Variants in USP42 observed in about 807,000 individuals in gnomAD.
USP42 encodes ubiquitin specific peptidase 42.
USP42 carries 23 observed loss-of-function variants against 113.0 expected under a neutral mutation model. The ratio of observed to expected loss-of-function variants is 0.20; its 90% CI spans 0.15 to 0.29. USP42 has a LOEUF of 0.29. USP42 is among the 10% of genes least tolerant of loss of function. The pLI is 1.00. For synonymous variants in USP42, 933 were observed against 699.0 expected, an observed-to-expected ratio of 1.33 and a Z score of -5.28; for missense variants, 2,174 against 1,779.8, an observed-to-expected ratio of 1.22 and a Z score of -3.99.
At chr7:6,090,037 C>A in the USP42 span, among the ~76,000 whole-genome samples, 333 of 148,602 alleles carry the variant, frequency 2.2e-3, 12 homozygotes, top group East Asian at 0.062. Flanking sequence ...CAGTGGCTCA[C>A]GCCTGTAATC....
chr7:6,127,786 A>G (rs1283551211), intron 3 of USP42, among the ~76,000 whole-genome samples: 4 of 152,232 alleles, frequency 2.6e-5, no homozygotes, highest in African/African-American at 7.2e-5. Flanking sequence ...AATAATCTAT[A>G]TAAAATATTT....
the USP42 span, among the ~76,000 whole-genome samples, chr7:6,097,907 CTTTTTT>C: frequency 9.7e-6 from 1 of 103,616 alleles, no homozygotes; most frequent in African/African-American, 3.8e-5. Context: ...TCTTTCTTTT[CTTTTTT>C]TTTTTTTTTT....
chr7:6,111,969 C>G (rs1779620883), intron 2 of USP42: 1 of 152,242 alleles, frequency 6.6e-6, no homozygotes, highest in African/African-American at 2.4e-5. Context: ...TTGAGATGGG[C>G]AAGCATTATA....
rs554217282 is a variant in USP42 at position 6,153,948 on chromosome 7, C to T, written c.2394C>T (p.Pro798=). ...EGAWEAMAVA[P]EEPPPSAGED... The stretch of plus-strand genomic sequence containing the variant: ...CCTGGGAGGCCATGGCCGTCGCCCC[C>T]GAGGAGCCTCCGCCCAGCGCCGGCG... The change falls in exon 15 of 18, where the codon CCC becomes CCT. Residue 798 remains proline, a synonymous_variant. Transcript: ENST00000306177. 5.0e-6 allele frequency: 8 copies of T among 1,597,388 alleles called. No homozygotes were observed. Among genetic ancestry groups the T allele is most frequent in the African/African-American group, 4.0e-5 (3 of 74,416 alleles).
intron 1 of USP42, among the ~76,000 whole-genome samples, chr7:6,108,318 G>A (rs150613268): frequency 0.013 from 2,006 of 152,146 alleles, 27 homozygotes; most frequent in Middle Eastern, 0.061. Flanking sequence ...CAGGAGGATC[G>A]TTTGAGGCCA....
At chr7:6,112,832 A>G (rs1779671981) in intron 2 of USP42, among the ~76,000 whole-genome samples, 1 of 151,984 alleles carries the variant, frequency 6.6e-6, no homozygotes, top group Non-Finnish European at 1.5e-5. Context: ...GGGAAGCCAA[A>G]AGATTGGACA....
chr7:6,127,300 T>G (rs1444249185), intron 3 of USP42, among the ~76,000 whole-genome samples: 1 of 152,226 alleles, frequency 6.6e-6, no homozygotes, highest in Non-Finnish European at 1.5e-5. Flanking sequence ...TTGGTGAAGT[T>G]CAATTGGTCA....
At chr7:6,137,384 A>G (rs993845043) in intron 4 of USP42, among the ~76,000 whole-genome samples, 1 of 152,226 alleles carries the variant, frequency 6.6e-6, no homozygotes, top group East Asian at 1.9e-4. Flanking sequence ...TTTGAGATGG[A>G]GTCTCGCTCT....
At position 6,159,412 on chromosome 7, in the gene USP42, C is replaced by T. The variant is rs767730861; in HGVS notation, c.3944-38C>T. 5.0e-6 allele frequency: 8 copies of T among 1,613,660 alleles called. No individual in the cohort carries two copies. The Admixed American group carries it at 1.0e-4, about 20-fold the overall frequency. ...AGCAGAGGCCCTGGCGATTTTGCAA[C>T]CATCATTAAAATCTCTTTCCTGACC... is the stretch of plus-strand genomic sequence containing the variant. On this transcript the variant is annotated intron_variant, in intron 16 of 17. Transcript: ENST00000306177. This position sits in a 1 kb window ranked among gnomAD's most constrained non-coding sequence, Gnocchi z 4.1.
chr7:6,125,726 G>A (rs750746502), intron 3 of USP42, among the ~76,000 whole-genome samples: 1 of 151,256 alleles, frequency 6.6e-6, no homozygotes, highest in Non-Finnish European at 1.5e-5. Context: ...TATGTATTCA[G>A]ATTTCCATTT....
rs371987804 is a variant in USP42, at chr7:6,142,455, A to G, written c.796-477A>G. On this transcript the variant is annotated intron_variant, in intron 7 of 17. Transcript: ENST00000306177. ...ATGGTCTGGATCTCCTGACCTCATGATCTGCCTGCCTTGGCCTCCCAACGT... is the reference window on the plus strand; with the variant it reads ...ATGGTCTGGATCTCCTGACCTCATGGTCTGCCTGCCTTGGCCTCCCAACGT... Among the ~76,000 whole-genome samples, 609 of 152,230 alleles carry G rather than the reference A, an allele frequency of 4.0e-3. 2 individuals carry two copies. The highest frequency in any genetic ancestry group is 0.014 in the African/African-American group (582 of 41,544).
chr7:6,154,170 T>C lies in USP42; in HGVS notation c.2616T>C (p.Leu872=). ...AGGAGCCCTGCGAGCAGCCACTCCT[T>C]GTTCACCCCAGCGGGGACCACGCCC... is the stretch of plus-strand genomic sequence containing the variant. ...RSEEPCEQPL[L]VHPSGDHARD... is the part of the protein sequence containing the mutation. The change falls in exon 15 of 18, where the codon CTT becomes CTC. Residue 872 remains leucine, a synonymous_variant. Coordinates refer to ENST00000306177, the MANE Select transcript of USP42 (RefSeq NM_032172.3). 4 of 1,596,786 alleles carry C rather than the reference T, an allele frequency of 2.5e-6. No homozygotes were observed. Among genetic ancestry groups the C allele is most frequent in the Non-Finnish European group, 3.4e-6 (4 of 1,172,860 alleles).
the USP42 span, among the ~76,000 whole-genome samples, chr7:6,092,013 TC>T: frequency 1.0e-5 from 1 of 98,810 alleles, no homozygotes; most frequent in Non-Finnish European, 2.2e-5. Flanking sequence ...TTCTTCTTCT[TC>T]TTCTTCTTCT....
At chr7:6,148,070 G>A (rs370778945) in intron 12 of USP42, among the ~76,000 whole-genome samples, 178 bp downstream of exon 12, 1 of 152,202 alleles carries the variant, frequency 6.6e-6, no homozygotes. Context: ...GAGCGCAGTG[G>A]CTCAAGCTTG....
chr7:6,086,698 T>C, the USP42 span, among the ~76,000 whole-genome samples: 2 of 141,900 alleles, frequency 1.4e-5, no homozygotes, highest in African/African-American at 5.3e-5. Context: ...CTTTCCCCTT[T>C]CCTTTCCTTT....
At chr7:6,148,399 G>A (rs1583667739) in intron 12 of USP42, among the ~76,000 whole-genome samples, 1 of 152,294 alleles carries the variant, frequency 6.6e-6, no homozygotes, top group East Asian at 1.9e-4. Context: ...CAATGGGGAG[G>A]AAAGAGGAAA....
the USP42 span, among the ~76,000 whole-genome samples, chr7:6,091,978 T>TTTCTCCTTC: frequency 2.9e-5 from 2 of 67,866 alleles, no homozygotes; most frequent in African/African-American, 6.7e-5. Flanking sequence ...GGACGTATTT[T>TTTCTCCTTC]TTCTTCTTCT....
In USP42 at chr7:6,154,968, A is replaced by ACTT. The variant is rs1406468397; in HGVS notation, c.3415_3417dup (p.Leu1139dup). The ACTT allele has an allele frequency of 2.6e-6, 4 of 1,560,696 alleles. No individual in the cohort carries two copies. Among genetic ancestry groups the ACTT allele is most frequent in the Non-Finnish European group, 3.5e-6 (4 of 1,151,976 alleles). On this transcript the variant is annotated inframe_insertion, in exon 15 of 18. Coordinates refer to ENST00000306177, the MANE Select transcript of USP42 (RefSeq NM_032172.3). ...ACCGCTTCTCCCACGACAGAACTGC[A>ACTT]CTTGTAGCCGGAGACAACTGTAACC... is the stretch of plus-strand genomic sequence containing the variant.
At chr7:6,138,062 C>CTG (rs747722182) in intron 4 of USP42, among the ~76,000 whole-genome samples, 15 of 152,018 alleles carry the variant, frequency 9.9e-5, no homozygotes, top group Admixed American at 2.0e-4. Flanking sequence ...TGTCATTGCT[C>CTG]TGTGTGTGTG....
Sources: allele counts gnomAD v4.1 joint callset (sites outside exome capture counted in the v4.1 genomes callset), GRCh38; gene constraint gnomAD v4.1.1; non-coding constraint Gnocchi (gnomAD v3.1); transcripts MANE v1.5; gene names NCBI Gene and HGNC (gene_info 2026-07-23, HGNC 2026-07-21).